CAP2: variants seen among roughly 807,000 people sequenced by gnomAD.
CAP2 encodes the protein adenylyl cyclase-associated protein 2.
CAP2 carries 24 observed loss-of-function variants against 57.7 expected under a neutral mutation model. The observed-to-expected ratio is 0.42, with a 90% confidence interval of 0.30 to 0.58. The LOEUF (loss-of-function observed/expected upper bound fraction) is 0.58, where lower values mean the gene tolerates loss of function less well. Ranked by LOEUF, CAP2 falls within the 20% of genes least tolerant of loss-of-function variation. The pLI, the probability that CAP2 is intolerant of heterozygous loss-of-function variation, is 0.22. For missense variants in CAP2, 501 were observed against 590.3 expected, an observed-to-expected ratio of 0.85 and a Z score of 1.57; for synonymous variants, 194 against 207.2, an observed-to-expected ratio of 0.94 and a Z score of 0.55.
chr6:17,458,397 A>G (rs1760632217), intron 3 of CAP2, among the ~76,000 whole-genome samples: 1 of 152,210 alleles, frequency 6.6e-6, no homozygotes, highest in South Asian at 2.1e-4. Flanking sequence ...GTGATTTTAA[A>G]TGTAAATAGT....
intron 3 of CAP2, among the ~76,000 whole-genome samples, chr6:17,441,141 T>A (rs1760062650): frequency 6.6e-6 from 1 of 151,534 alleles, no homozygotes; most frequent in African/African-American, 2.4e-5. Context: ...TTTAATAAAT[T>A]ACATTAATAT....
At chr6:17,467,205 C>A (rs1760887497) in intron 4 of CAP2, among the ~76,000 whole-genome samples, 1 of 152,178 alleles carries the variant, frequency 6.6e-6, no homozygotes, top group South Asian at 2.1e-4. Context: ...GAACCTAGCT[C>A]TGCCTTGGCC....
chr6:17,542,947 C>T lies in CAP2; in HGVS notation c.1113C>T (p.Asn371=). ...CTATTCAGATAAAAGGGAAAGTAAA[C>T]TCCATTATAATTGGTAGGGCAGAAT... ...KSTIQIKGKV[N]SIIIDNCKKL... Residue 371 remains asparagine, a synonymous_variant, in exon 10 of 13, where the codon AAC becomes AAT. Transcript: ENST00000229922. 2 of 1,613,712 alleles carry T rather than the reference C, an allele frequency of 1.2e-6. No individual in the cohort carries two copies. The highest frequency in any genetic ancestry group is 1.7e-6 in the Non-Finnish European group (2 of 1,179,612).
intron 3 of CAP2, among the ~76,000 whole-genome samples, chr6:17,454,696 C>T (rs751039316): frequency 1.3e-5 from 2 of 152,208 alleles, no homozygotes; most frequent in Admixed American, 1.3e-4. Context: ...GCTCTGAAGT[C>T]AGTCTTGCTG....
chr6:17,432,385 T>A (rs1314162412), intron 3 of CAP2, among the ~76,000 whole-genome samples: 4 of 152,154 alleles, frequency 2.6e-5, no homozygotes, highest in Non-Finnish European at 4.4e-5. Flanking sequence ...TCCATGTCGT[T>A]CTCCTCACCT....
intron 4 of CAP2, among the ~76,000 whole-genome samples, chr6:17,473,235 A>G (rs1761067744): frequency 6.6e-6 from 1 of 152,252 alleles, no homozygotes; most frequent in African/African-American, 2.4e-5. Context: ...TAAGTTCGTT[A>G]GAATTCCAGA....
intron 4 of CAP2, among the ~76,000 whole-genome samples, chr6:17,486,834 C>T (rs765523231): frequency 6.6e-6 from 1 of 152,192 alleles, no homozygotes. Context: ...ACCCTCATTC[C>T]GTGTCCTGTG....
intron 12 of CAP2, among the ~76,000 whole-genome samples, chr6:17,555,938 G>C (rs913927382): frequency 6.6e-6 from 1 of 152,154 alleles, no homozygotes; most frequent in South Asian, 2.1e-4. Flanking sequence ...TAGTAGGTAA[G>C]ATAGAGCGCA....
chr6:17,442,271 A>C (rs974404648), intron 3 of CAP2, among the ~76,000 whole-genome samples: 1 of 152,196 alleles, frequency 6.6e-6, no homozygotes, highest in Admixed American at 6.5e-5. Flanking sequence ...CCATGAACTT[A>C]GTGTGCAGCT....
intron 1 of CAP2, among the ~76,000 whole-genome samples, chr6:17,409,791 A>C (rs1759090367): frequency 6.6e-6 from 1 of 151,988 alleles, no homozygotes; most frequent in Non-Finnish European, 1.5e-5. Context: ...CCTGAAGCAA[A>C]ACATCTAAGA....
intron 7 of CAP2, among the ~76,000 whole-genome samples, chr6:17,514,978 AC>A (rs1762239673): frequency 6.6e-6 from 1 of 151,958 alleles, no homozygotes; most frequent in African/African-American, 2.4e-5. Flanking sequence ...TGAGTGGATC[AC>A]CCGCGGTCAG....
intron 4 of CAP2, among the ~76,000 whole-genome samples, chr6:17,471,330 T>C (rs924491441): frequency 6.6e-6 from 1 of 152,186 alleles, no homozygotes; most frequent in Non-Finnish European, 1.5e-5. Flanking sequence ...CATAATGCAA[T>C]AAAGTAATTC....
At chr6:17,425,422 G>A (rs892364417) in intron 2 of CAP2, among the ~76,000 whole-genome samples, 1 of 152,170 alleles carries the variant, frequency 6.6e-6, no homozygotes, top group African/African-American at 2.4e-5. Context: ...CCACCCCCTG[G>A]GGAGTGAAGA....
intron 11 of CAP2, among the ~76,000 whole-genome samples, chr6:17,547,088 C>T (rs1338865088): frequency 6.6e-6 from 1 of 152,110 alleles, no homozygotes; most frequent in Admixed American, 6.6e-5. Context: ...ACAATTGCTT[C>T]AAAGAGAATA....
chr6:17,502,295 G>A (rs574425981), intron 4 of CAP2, among the ~76,000 whole-genome samples: 3 of 152,052 alleles, frequency 2.0e-5, no homozygotes, highest in Admixed American at 1.3e-4. Flanking sequence ...TTGACTTTTC[G>A]TCTGACATCC....
chr6:17,438,872 G>T (rs1165946979), intron 3 of CAP2, among the ~76,000 whole-genome samples: 1 of 150,374 alleles, frequency 6.7e-6, no homozygotes, highest in Non-Finnish European at 1.5e-5. Flanking sequence ...CAGCACTTTG[G>T]GAGGCCAAGG....
intron 4 of CAP2, among the ~76,000 whole-genome samples, chr6:17,478,447 C>T (rs951278259): frequency 9.9e-5 from 15 of 151,996 alleles, no homozygotes; most frequent in Admixed American, 8.5e-4. Context: ...CACTGGGCCT[C>T]TCAATTACTT....
chr6:17,535,072 A>T (rs1274586472), intron 7 of CAP2, among the ~76,000 whole-genome samples: 2 of 152,106 alleles, frequency 1.3e-5, no homozygotes, highest in East Asian at 1.9e-4. Context: ...TAGGATCAAG[A>T]CTGGTTCCAG....
chr6:17,446,670 T>G (rs974963781), intron 3 of CAP2, among the ~76,000 whole-genome samples: 3 of 152,240 alleles, frequency 2.0e-5, no homozygotes, highest in African/African-American at 7.2e-5. Flanking sequence ...CATCCATGTC[T>G]TTTGAACTTT....
Sources: gnomAD v4.1 joint callset for allele counts (sites outside exome capture counted in the v4.1 genomes callset) on GRCh38, gnomAD v4.1.1 for gene constraint, MANE v1.5 for transcripts, NCBI Gene and HGNC (gene_info 2026-07-23, HGNC 2026-07-21) for gene names.